The following MCU variants were observed in gnomAD, a reference collection of about 807,000 sequenced individuals.
MCU encodes the protein mitochondrial calcium uniporter, also known as calcium uniporter protein, mitochondrial.
MCU carries 12 observed loss-of-function variants against 45.2 expected under a neutral mutation model. The observed-to-expected ratio is 0.27, with a 90% CI of 0.17 to 0.43. MCU has a LOEUF of 0.43. Ranked by LOEUF, MCU falls within the 20% of genes least tolerant of loss-of-function variation. MCU has a pLI of 1.00. For synonymous variants in MCU, 160 were observed against 165.1 expected (o/e 0.97, Z 0.24); for missense variants, 324 against 436.7 (o/e 0.74, Z 2.30).
At chr10:72,833,099 G>A (rs2132832410) in intron 1 of MCU, among the ~76,000 whole-genome samples, 1 of 152,216 alleles carries the variant, frequency 6.6e-6, no homozygotes, top group South Asian at 2.1e-4. Context: ...TTAAAACAAT[G>A]TGGCTACTAG....
intron 6 of MCU, among the ~76,000 whole-genome samples, chr10:72,878,111 CTT>C (rs10715401): frequency 0.044 from 3,401 of 77,656 alleles, 44 homozygotes; most frequent in African/African-American, 0.18. Flanking sequence ...AATAATTTTG[CTT>C]TTTTTTTTTT....
At chr10:72,702,099 C>T (rs1040303525) in intron 1 of MCU, among the ~76,000 whole-genome samples, 4 of 150,032 alleles carry the variant, frequency 2.7e-5, no homozygotes, top group Non-Finnish European at 5.9e-5. Context: ...AAAAATTAGC[C>T]AGTCATGGTT....
intron 1 of MCU, among the ~76,000 whole-genome samples, chr10:72,833,921 A>G (rs1482953689): frequency 1.3e-5 from 2 of 152,236 alleles, no homozygotes; most frequent in Non-Finnish European, 2.9e-5. Flanking sequence ...TAAATTCTTG[A>G]TACAGCTACT....
At chr10:72,752,533 T>C (rs1379320596) in intron 1 of MCU, among the ~76,000 whole-genome samples, 1 of 152,228 alleles carries the variant, frequency 6.6e-6, no homozygotes, top group African/African-American at 2.4e-5. Context: ...AATGTGTGGC[T>C]AGCTTTTTGG....
intron 2 of MCU, among the ~76,000 whole-genome samples, chr10:72,839,016 G>GT (rs1208955828): frequency 6.7e-6 from 1 of 149,924 alleles, no homozygotes; most frequent in Non-Finnish European, 1.5e-5. Context: ...TTGAGACGGA[G>GT]TCCCGCTCCA....
At chr10:72,729,775 G>T (rs1175264236) in intron 1 of MCU, among the ~76,000 whole-genome samples, 1 of 152,038 alleles carries the variant, frequency 6.6e-6, no homozygotes, top group African/African-American at 2.4e-5. Flanking sequence ...AATTCTTTGT[G>T]GTTGGGAGGC....
In MCU at chr10:72,743,172, G is replaced by A. The variant is rs192282856; in HGVS notation, c.150+50871G>A. On this transcript the variant is annotated intron_variant, in intron 1 of 7. Coordinates refer to ENST00000373053, the MANE Select transcript of MCU (RefSeq NM_138357.3). ...ACCTGTAATCCCGGCACTTTGGGAG[G>A]CTGAGGCAGGTGGATTACCTGAGGT... 4.3e-3 allele frequency among the ~76,000 whole-genome samples: 649 copies of A among 152,066 alleles called. 5 individuals are homozygous for A. The highest frequency in any genetic ancestry group is 0.015 in the African/African-American group (616 of 41,460).
intron 1 of MCU, among the ~76,000 whole-genome samples, chr10:72,750,201 A>C (rs572674856): frequency 6.6e-6 from 1 of 152,258 alleles, no homozygotes; most frequent in African/African-American, 2.4e-5. Flanking sequence ...AGCTTAGAAC[A>C]CTTTTTATTC....
intron 1 of MCU, among the ~76,000 whole-genome samples, chr10:72,803,415 A>G (rs1035482617): frequency 4.0e-5 from 6 of 151,816 alleles, no homozygotes; most frequent in African/African-American, 1.5e-4. Flanking sequence ...GCTTGCCACA[A>G]AGAAAAAATT....
chr10:72,843,703 A>G (rs962661715), intron 2 of MCU, among the ~76,000 whole-genome samples: 9 of 152,174 alleles, frequency 5.9e-5, no homozygotes, highest in African/African-American at 2.2e-4. Context: ...TATTTTTGTA[A>G]GAAAACACCA....
chr10:72,838,944 A>G (rs920617506), intron 2 of MCU, among the ~76,000 whole-genome samples: 1 of 151,308 alleles, frequency 6.6e-6, no homozygotes, highest in Non-Finnish European at 1.5e-5. Flanking sequence ...TATATTTCAC[A>G]TACCATAAAA....
At chr10:72,848,845 C>T (rs1845162349) in intron 2 of MCU, among the ~76,000 whole-genome samples, 1 of 152,094 alleles carries the variant, frequency 6.6e-6, no homozygotes, top group South Asian at 2.1e-4. Flanking sequence ...CACCCTGCTT[C>T]AGTGTGGAAA....
At chr10:72,847,344 C>T (rs868827662) in intron 2 of MCU, among the ~76,000 whole-genome samples, 13 of 152,080 alleles carry the variant, frequency 8.5e-5, no homozygotes, top group African/African-American at 2.9e-4. Context: ...ATAGGCCACT[C>T]GTGTCAACTG....
Position 72,870,779 on chromosome 10 carries a change from C to G in MCU, c.658-598C>G, listed in dbSNP as rs186553658. ...AGAATATAGGTAGGTGTGCATTTCCCTCTTTCAGAGAAGATAATCTTGTGA... is the reference window on the plus strand; with the variant it reads ...AGAATATAGGTAGGTGTGCATTTCCGTCTTTCAGAGAAGATAATCTTGTGA... On this transcript the variant is annotated intron_variant, in intron 5 of 7. Transcript: ENST00000373053. Among the ~76,000 whole-genome samples, 26 of 152,302 alleles carry G rather than the reference C, an allele frequency of 1.7e-4. No individual in the cohort carries two copies. In the East Asian group the frequency reaches 4.8e-3, roughly 28 times the overall value.
At chr10:72,849,915 CT>C (rs34763405) in intron 2 of MCU, among the ~76,000 whole-genome samples, 72,938 of 141,314 alleles carry the variant, frequency 0.52, 19,854 homozygotes, top group Non-Finnish European at 0.65. Context: ...TTATCTTTTT[CT>C]TTTTTTTTTT....
chr10:72,846,168 G>A (rs112351314), intron 2 of MCU, among the ~76,000 whole-genome samples: 2 of 152,024 alleles, frequency 1.3e-5, no homozygotes, highest in African/African-American at 4.8e-5. Flanking sequence ...TCAGTCTCCC[G>A]AGTAGCTGGG....
intron 1 of MCU, among the ~76,000 whole-genome samples, chr10:72,832,397 G>A (rs763445386): frequency 2.0e-5 from 3 of 152,132 alleles, no homozygotes; most frequent in Admixed American, 6.5e-5. Context: ...ACTCAGAAAG[G>A]ATAACAAAAT....
chr10:72,831,446 T>A (rs143174687), intron 1 of MCU, among the ~76,000 whole-genome samples: 123 of 152,310 alleles, frequency 8.1e-4, no homozygotes, highest in African/African-American at 2.7e-3. Context: ...TGTTACAGTA[T>A]ATTTTATATA....
At chr10:72,710,014 C>T (rs1057378065) in intron 1 of MCU, among the ~76,000 whole-genome samples, 8 of 152,272 alleles carry the variant, frequency 5.3e-5, no homozygotes, top group African/African-American at 1.7e-4. Context: ...CTCGATCTGT[C>T]GCCCAGGCTG....
Sources: allele counts gnomAD v4.1 joint callset (sites outside exome capture counted in the v4.1 genomes callset), GRCh38; gene constraint gnomAD v4.1.1; transcripts MANE v1.5; gene names NCBI Gene and HGNC (gene_info 2026-07-23, HGNC 2026-07-21).